M1AP: variants seen among roughly 807,000 people sequenced by gnomAD.
M1AP encodes meiosis 1 associated protein.
In M1AP, 39 loss-of-function variants were observed where a neutral mutation model predicts 51.2. The ratio of observed to expected loss-of-function variants is 0.76; its 90% CI spans 0.59 to 1.00. The LOEUF is 1.00. M1AP is among the 50% of genes least tolerant of loss of function. The pLI is 0.00. For synonymous variants in M1AP, 251 were observed against 249.2 expected (o/e 1.01, Z -0.07); for missense variants, 545 against 641.2 (o/e 0.85, Z 1.62).
At chr2:74,560,484 C>T (rs977427112) in intron 8 of M1AP, among the ~76,000 whole-genome samples, 193 bp from the exon 9 acceptor site, 2 of 152,106 alleles carry the variant, frequency 1.3e-5, no homozygotes, top group African/African-American at 2.4e-5. Flanking sequence ...AAGGGCCAGG[C>T]ATGGATAGGA....
chr2:74,589,876 C>T (rs972651457), intron 4 of M1AP, among the ~76,000 whole-genome samples: 1 of 152,190 alleles, frequency 6.6e-6, no homozygotes, highest in African/African-American at 2.4e-5. Flanking sequence ...TTATGGGTGT[C>T]CAATCTTTTG....
chr2:74,617,516 G>A (rs1050848326), intron 2 of M1AP, among the ~76,000 whole-genome samples: 9 of 152,140 alleles, frequency 5.9e-5, no homozygotes, highest in Non-Finnish European at 1.3e-4. Context: ...CACACACTGG[G>A]GCCTGTCAGA....
rs1681911416 is a variant in M1AP, at chr2:74,620,048, CTT to C, written c.241-4901_241-4900del. ...GAAAATTATTCCTGATTTTGGCAGT[CTT>C]CTCTATCTTACAGTTTGTGTGGCAA... On this transcript the variant is annotated intron_variant, in intron 2 of 10. Coordinates refer to ENST00000421985, the MANE Select transcript of M1AP (RefSeq NM_001321739.2). 2.0e-5 allele frequency among the ~76,000 whole-genome samples: 3 copies of C among 152,318 alleles called. No individual in the cohort carries two copies. The South Asian group carries it at 6.2e-4, about 32-fold the overall frequency.
intron 4 of M1AP, among the ~76,000 whole-genome samples, chr2:74,592,805 C>A (rs1487400644): frequency 6.6e-6 from 1 of 152,074 alleles, no homozygotes; most frequent in East Asian, 1.9e-4. Context: ...ATCCCTGGTC[C>A]ATTTGGAATC....
intron 2 of M1AP, chr2:74,620,572 C>A (rs576063816): frequency 6.2e-6 from 1 of 160,982 alleles, no homozygotes; most frequent in South Asian, 1.8e-4. Context: ...CTCAGTGGAG[C>A]CTGGGGCTAC....
chr2:74,612,718 T>C (rs1423670577), intron 3 of M1AP, among the ~76,000 whole-genome samples: 4 of 152,178 alleles, frequency 2.6e-5, no homozygotes, highest in Non-Finnish European at 5.9e-5. Context: ...CATTTTCATT[T>C]GACTCAAGAT....
intron 10 of M1AP, 111 bp downstream of exon 10, chr2:74,559,587 C>T: frequency 1.4e-6 from 1 of 689,854 alleles, no homozygotes; most frequent in African/African-American, 1.8e-5. Flanking sequence ...CTCAATCACT[C>T]TTCCCTCTTC....
chr2:74,560,056 C>T (rs966921183), intron 9 of M1AP, 95 bp downstream of exon 9: 26 of 1,327,440 alleles, frequency 2.0e-5, no homozygotes, highest in South Asian at 4.0e-5. Context: ...TGGATGGGGG[C>T]GGTGTTGGGA....
Sources: gnomAD v4.1 joint callset for allele counts (sites outside exome capture counted in the v4.1 genomes callset) on GRCh38, gnomAD v4.1.1 for gene constraint, MANE v1.5 for transcripts, NCBI Gene and HGNC (gene_info 2026-07-23, HGNC 2026-07-21) for gene names.